SDK1: variants seen among roughly 807,000 people sequenced by gnomAD.
SDK1 encodes the protein sidekick cell adhesion molecule 1.
Under a neutral mutation model 245.5 loss-of-function variants are expected in SDK1, and 157 were observed. That is an observed-to-expected ratio of 0.64 (90% CI 0.56 to 0.73). The LOEUF is 0.73. SDK1 is among the 30% of genes least tolerant of loss of function. SDK1 has a pLI of 0.00. For synonymous variants in SDK1, 1,647 were observed against 1,278.5 expected (o/e 1.29, Z -6.15); for missense variants, 3,583 against 3,002.3 (o/e 1.19, Z -4.52).
At position 4,257,969 on chromosome 7, in the gene SDK1, G is replaced by A. The variant is rs890880472; in HGVS notation, c.6382-7155G>A. On this transcript the variant is annotated intron_variant, in intron 44 of 44. Transcript: ENST00000404826. ...GGAAGAACTGCTTCCTTCAAAGAAG[G>A]GGTTGAGGCCTAGACACAAACAACA... Among the ~76,000 whole-genome samples the A allele has an allele frequency of 1.5e-4, 23 of 152,038 alleles. 1 individual carries two copies. The highest frequency in any genetic ancestry group is 7.3e-5 in the Non-Finnish European group (5 of 68,034).
At chr7:3,606,462 C>A (rs1781428561) in intron 1 of SDK1, among the ~76,000 whole-genome samples, 1 of 152,144 alleles carries the variant, frequency 6.6e-6, no homozygotes, top group Admixed American at 6.5e-5. Flanking sequence ...CTTCCATTGT[C>A]CCTTATAAGT....
At chr7:3,641,872 G>GTA in intron 3 of SDK1, 86 bp from the exon 4 acceptor site, 1 of 1,129,904 alleles carries the variant, frequency 8.9e-7, no homozygotes, top group Non-Finnish European at 1.3e-6. Context: ...TGACTTTACT[G>GTA]TAACACTTAC....
rs377674357 is a variant in SDK1 at position 4,030,699 on chromosome 7, G to A, written c.2602+13347G>A. Among the ~76,000 whole-genome samples, 5 of 152,326 alleles carry A rather than the reference G, an allele frequency of 3.3e-5. No individual in the cohort carries two copies. In the South Asian group the frequency reaches 1.0e-3, roughly 32 times the overall value. On this transcript the variant is annotated intron_variant, in intron 17 of 44. Transcript: ENST00000404826. ...TTTCATATAACAAAACCATGATGCT[G>A]AATGGAGCGTATGTATTCCAGCTTG...
At chr7:3,468,391 T>A (rs1263370435) in intron 1 of SDK1, among the ~76,000 whole-genome samples, 1 of 152,144 alleles carries the variant, frequency 6.6e-6, no homozygotes, top group Non-Finnish European at 1.5e-5. Flanking sequence ...TCTCCTGCCC[T>A]CCTGTCTCAG....
At chr7:3,408,104 C>G (rs557725875) in intron 1 of SDK1, among the ~76,000 whole-genome samples, 1 of 151,932 alleles carries the variant, frequency 6.6e-6, no homozygotes, top group Non-Finnish European at 1.5e-5. Context: ...GTGGTGCGGT[C>G]TCGGCTTACT....
chr7:3,335,554 AG>A (rs954192829), intron 1 of SDK1, among the ~76,000 whole-genome samples: 4 of 152,122 alleles, frequency 2.6e-5, no homozygotes, highest in Non-Finnish European at 4.4e-5. Context: ...AGATGGGGAC[AG>A]GGAAATTATT....
intron 35 of SDK1, among the ~76,000 whole-genome samples, chr7:4,194,860 C>T (rs1193689338): frequency 6.6e-6 from 1 of 152,162 alleles, no homozygotes; most frequent in Non-Finnish European, 1.5e-5. Flanking sequence ...CAAGTTGACA[C>T]TCAGTATTAA....
intron 38 of SDK1, among the ~76,000 whole-genome samples, chr7:4,215,605 T>G (rs1292901426): frequency 6.6e-6 from 1 of 152,172 alleles, no homozygotes; most frequent in Non-Finnish European, 1.5e-5. Context: ...ACCGCAGACA[T>G]GCTGAGTCTA....
intron 1 of SDK1, among the ~76,000 whole-genome samples, chr7:3,597,017 C>T (rs970478213): frequency 6.6e-6 from 1 of 152,020 alleles, no homozygotes; most frequent in Non-Finnish European, 1.5e-5. Flanking sequence ...ACACCTGTAA[C>T]CCCAGCACTT....
chr7:3,478,224 T>C (rs1781405276), intron 1 of SDK1, among the ~76,000 whole-genome samples: 1 of 152,140 alleles, frequency 6.6e-6, no homozygotes. Context: ...TGGGATTAAT[T>C]TGGGAGTTAT....
chr7:3,465,828 G>A (rs1030784540), intron 1 of SDK1, among the ~76,000 whole-genome samples: 3 of 152,138 alleles, frequency 2.0e-5, no homozygotes, highest in Non-Finnish European at 2.9e-5. Context: ...CTTTTGGGTT[G>A]GCCATCAGTC....
At chr7:3,920,290 T>A (rs2128112638) in intron 5 of SDK1, among the ~76,000 whole-genome samples, 1 of 152,218 alleles carries the variant, frequency 6.6e-6, no homozygotes, top group Middle Eastern at 3.4e-3. Context: ...GGCTGCAGCA[T>A]GTAGACCAAT....
At chr7:3,862,783 G>C (rs1780726321) in intron 5 of SDK1, among the ~76,000 whole-genome samples, 1 of 152,138 alleles carries the variant, frequency 6.6e-6, no homozygotes, top group South Asian at 2.1e-4. Flanking sequence ...CAACCTTTTT[G>C]GTACCAGGGA....
chr7:4,122,052 C>T (rs1215369024), intron 25 of SDK1, among the ~76,000 whole-genome samples: 1 of 152,114 alleles, frequency 6.6e-6, no homozygotes, highest in East Asian at 1.9e-4. Context: ...AGTCTCTCTT[C>T]TGGTTGGTGC....
intron 5 of SDK1, among the ~76,000 whole-genome samples, chr7:3,877,910 C>A (rs1781113728): frequency 6.6e-6 from 1 of 152,206 alleles, no homozygotes; most frequent in African/African-American, 2.4e-5. Context: ...AGTGAACTGC[C>A]TTACACATAA....
intron 1 of SDK1, among the ~76,000 whole-genome samples, chr7:3,412,743 T>G (rs146157741): frequency 2.2e-4 from 34 of 152,314 alleles, no homozygotes; most frequent in African/African-American, 7.7e-4. Flanking sequence ...CAAGCCAGTC[T>G]CTTCTATGCT....
chr7:3,571,638 G>C (rs540481877), intron 1 of SDK1, among the ~76,000 whole-genome samples: 1 of 151,980 alleles, frequency 6.6e-6, no homozygotes, highest in Non-Finnish European at 1.5e-5. Flanking sequence ...TTTGTTCTAA[G>C]GGAATTCAAA....
chr7:3,462,732 C>G (rs570330324), intron 1 of SDK1, among the ~76,000 whole-genome samples: 1 of 152,096 alleles, frequency 6.6e-6, no homozygotes, highest in Non-Finnish European at 1.5e-5. Flanking sequence ...TCTGTGATCT[C>G]TCCCCTCCTC....
intron 4 of SDK1, among the ~76,000 whole-genome samples, chr7:3,656,457 G>A (rs554911688): frequency 4.6e-5 from 7 of 152,258 alleles, no homozygotes; most frequent in East Asian, 1.9e-4. Flanking sequence ...AGTCACTCCC[G>A]AAGTGCAAAA....
Sources: gnomAD v4.1 joint callset for allele counts (sites outside exome capture counted in the v4.1 genomes callset) on GRCh38, gnomAD v4.1.1 for gene constraint, MANE v1.5 for transcripts, NCBI Gene and HGNC (gene_info 2026-07-23, HGNC 2026-07-21) for gene names.